TAPT1: variants seen among roughly 807,000 people sequenced by gnomAD.
The protein encoded by TAPT1 is transmembrane anterior posterior transformation protein 1 homolog.
In TAPT1, 28 loss-of-function variants were observed where a neutral mutation model predicts 65.6. That is an observed-to-expected ratio of 0.43 (90% CI 0.32 to 0.59). TAPT1 has a LOEUF of 0.59. TAPT1 is among the 20% of genes least tolerant of loss of function. The pLI, the probability that TAPT1 is intolerant of heterozygous loss-of-function variation, is 0.09. For missense variants in TAPT1, 563 were observed against 679.9 expected, an observed-to-expected ratio of 0.83 and a Z score of 1.91; for synonymous variants, 278 against 245.2, an observed-to-expected ratio of 1.13 and a Z score of -1.25.
intron 12 of TAPT1, among the ~76,000 whole-genome samples, chr4:16,168,846 G>A (rs1282489445): frequency 6.6e-6 from 1 of 152,200 alleles, no homozygotes; most frequent in Non-Finnish European, 1.5e-5. Context: ...ATTCCCTGAG[G>A]GGCACTGGGC....
At chr4:16,187,398 CAT>C (rs1216180631) in intron 5 of TAPT1, among the ~76,000 whole-genome samples, 3 of 152,142 alleles carry the variant, frequency 2.0e-5, no homozygotes, top group Non-Finnish European at 4.4e-5. Flanking sequence ...GATTCTTCTT[CAT>C]ATGTCATTTT....
chr4:16,187,324 A>T (rs1351489565), intron 5 of TAPT1, among the ~76,000 whole-genome samples: 1 of 152,172 alleles, frequency 6.6e-6, no homozygotes, highest in Non-Finnish European at 1.5e-5. Context: ...TCTGGAAGTG[A>T]TTTTCTTCCC....
intron 12 of TAPT1, among the ~76,000 whole-genome samples, chr4:16,168,290 T>TA (rs760425440): frequency 2.0e-4 from 30 of 152,064 alleles, no homozygotes; most frequent in Non-Finnish European, 3.8e-4. Context: ...TTTTCTTTTT[T>TA]GTAGAGATGG....
intron 1 of TAPT1, among the ~76,000 whole-genome samples, chr4:16,217,479 C>T (rs766615554): frequency 1.7e-4 from 26 of 152,086 alleles, no homozygotes; most frequent in Non-Finnish European, 3.7e-4. Context: ...AGAACAGAAC[C>T]GACAAAGAAT....
At chr4:16,167,282 T>C (rs1347844812) in intron 12 of TAPT1, among the ~76,000 whole-genome samples, 3 of 152,168 alleles carry the variant, frequency 2.0e-5, no homozygotes, top group African/African-American at 7.2e-5. Flanking sequence ...TGAGCCACCA[T>C]GCCTGGCCTC....
At position 16,162,769 on chromosome 4, in the gene TAPT1, GATTA is replaced by G. The variant is rs1747340118; in HGVS notation, c.*535_*538del. 1 of 213,780 alleles carries G rather than the reference GATTA, an allele frequency of 4.7e-6. No individual in the cohort carries two copies. Among genetic ancestry groups the G allele is most frequent in the Non-Finnish European group, 9.9e-6 (1 of 100,620 alleles). The allele number at this position is 213,780 out of a possible 1,614,324, so 13.2% of individuals were successfully genotyped here. Reference sequence around the variant, plus strand: ...CTTATTTAAGGTAGCCTTTTATTCTGATTAATTAAGATACATCTTTAAGGGTTAT... The same window carrying G: ...CTTATTTAAGGTAGCCTTTTATTCTGATTAAGATACATCTTTAAGGGTTAT... On this transcript the variant is annotated 3_prime_UTR_variant, in exon 14 of 14. Transcript: ENST00000405303.
At chr4:16,226,783 C>T (rs1751602773), upstream of TAPT1, 1 of 156,654 alleles carries the variant, frequency 6.4e-6, no homozygotes, top group Non-Finnish European at 1.4e-5. Context: ...GAGCGGGCGC[C>T]TCCGGGGCTC....
intron 3 of TAPT1, chr4:16,196,668 C>T (rs760010919): frequency 1.6e-5 from 20 of 1,288,160 alleles, no homozygotes; most frequent in Non-Finnish European, 2.0e-5. Flanking sequence ...CACAAGGAGT[C>T]CCTGTGCCAC....
chr4:16,161,288 A>G lies in TAPT1; in HGVS notation c.*2020T>C, dbSNP rs1747227803. 6.6e-6 allele frequency: 1 copy of G among 152,650 alleles called. No individual in the cohort carries two copies. Among genetic ancestry groups the G allele is most frequent in the African/African-American group, 2.4e-5 (1 of 41,460 alleles). 9.5% of individuals were successfully genotyped at this position (152,650 alleles called of 1,614,324 possible). A position where few individuals can be genotyped will look rare whatever the true frequency, so the allele number is the denominator to read the frequency against. Reference sequence around the variant, plus strand: ...AGTAAATATTAAAATAAATTCAGTGACCTTTTTAAAAAAGATTACAAAACT... The same window carrying G: ...AGTAAATATTAAAATAAATTCAGTGGCCTTTTTAAAAAAGATTACAAAACT... On this transcript the variant is annotated 3_prime_UTR_variant, in exon 14 of 14. Coordinates refer to ENST00000405303, the MANE Select transcript of TAPT1 (RefSeq NM_153365.3).
At chr4:16,210,311 G>A (rs543335227) in intron 2 of TAPT1, among the ~76,000 whole-genome samples, 1 of 152,300 alleles carries the variant, frequency 6.6e-6, no homozygotes, top group East Asian at 1.9e-4. Flanking sequence ...GAGATTAAAA[G>A]TATAATGTGA....
chr4:16,205,403 A>G (rs907482377), intron 2 of TAPT1, among the ~76,000 whole-genome samples: 1 of 152,124 alleles, frequency 6.6e-6, no homozygotes, highest in Non-Finnish European at 1.5e-5. Flanking sequence ...ACTTTTATAA[A>G]GCTTGTGCTA....
chr4:16,160,507 C>T lies in TAPT1; in HGVS notation c.*2801G>A, dbSNP rs1044442314. 2 of 152,166 alleles carry T rather than the reference C, an allele frequency of 1.3e-5. No homozygotes were observed. The highest frequency in any genetic ancestry group is 1.9e-4 in the East Asian group (1 of 5,202). 9.4% of individuals were successfully genotyped at this position (152,166 alleles called of 1,614,324 possible). On this transcript the variant is annotated 3_prime_UTR_variant, in exon 14 of 14. Coordinates refer to ENST00000405303, the MANE Select transcript of TAPT1 (RefSeq NM_153365.3). ...AGGAAAAAAATCAGACTTACACAAA[C>T]GTTTTAAAGAACTATATTTTAGAGC... is the stretch of plus-strand genomic sequence containing the variant.
At chr4:16,170,610 T>C in intron 12 of TAPT1, 43 bp downstream of exon 12, 1 of 1,445,430 alleles carries the variant, frequency 6.9e-7, no homozygotes, top group South Asian at 1.2e-5. Flanking sequence ...CTTGCATTTA[T>C]GCTTTACTGT....
intron 1 of TAPT1, among the ~76,000 whole-genome samples, chr4:16,225,458 G>A (rs1245342696): frequency 6.6e-6 from 1 of 152,082 alleles, no homozygotes; most frequent in Admixed American, 6.5e-5. Flanking sequence ...TAAAACGTTG[G>A]GTTCACTCTA....
intron 12 of TAPT1, chr4:16,167,012 T>TTTTTTTTTA (rs1747684014): frequency 5.1e-6 from 2 of 393,758 alleles, no homozygotes; most frequent in African/African-American, 2.0e-5. Flanking sequence ...TTTTTTTTTT[T>TTTTTTTTTA]GAGACAGAGT....
In TAPT1 at chr4:16,174,707, C is replaced by G. The variant is rs767236884; in HGVS notation, c.1130G>C (p.Ser377Thr). The change falls in exon 10 of 14, where the codon AGT becomes ACT. Residue 377 changes from serine to threonine, a missense_variant. Transcript: ENST00000405303. The part of the protein sequence containing the change: ...TADVYSEYRA[S>T]LAFDLVSSRQ... ...GCTGCTAACAAGGTCAAAAGCAAGA[C>G]TGGCTCTATATTCACTGTAGACCTA... 6.3e-7 allele frequency: 1 copy of G among 1,592,602 alleles called. No individual in the cohort carries two copies.
At chr4:16,166,078 GCTTTTAATGT>G (rs1226488106) in intron 13 of TAPT1, among the ~76,000 whole-genome samples, 1 of 152,176 alleles carries the variant, frequency 6.6e-6, no homozygotes, top group Admixed American at 6.5e-5. Flanking sequence ...CAGCCATCTG[GCTTTTAATGT>G]CCTTTGATGC....
intron 7 of TAPT1, among the ~76,000 whole-genome samples, chr4:16,185,676 A>C (rs1267591469): frequency 6.6e-6 from 1 of 152,098 alleles, no homozygotes; most frequent in Non-Finnish European, 1.5e-5. Flanking sequence ...GCTGATCATC[A>C]TACTTTTTAA....
intron 1 of TAPT1, among the ~76,000 whole-genome samples, chr4:16,221,106 G>A (rs1290855475): frequency 1.4e-5 from 2 of 141,880 alleles, no homozygotes; most frequent in East Asian, 4.1e-4. Flanking sequence ...CAGCACATAC[G>A]TACATATATA....
Sources: allele counts gnomAD v4.1 joint callset (sites outside exome capture counted in the v4.1 genomes callset), GRCh38; gene constraint gnomAD v4.1.1; transcripts MANE v1.5; gene names NCBI Gene and HGNC (gene_info 2026-07-23, HGNC 2026-07-21).